Variants in TBC1D5 observed in about 807,000 individuals in gnomAD.
TBC1D5 encodes the protein TBC1 domain family, member 5.
In TBC1D5, 75 loss-of-function variants were observed where a neutral mutation model predicts 100.3. The observed-to-expected ratio is 0.75, with a 90% CI of 0.62 to 0.91. The LOEUF is 0.91. Among genes scored for constraint, TBC1D5 ranks in the 40% least tolerant of loss-of-function variants. TBC1D5 has a pLI of 0.00. For synonymous variants in TBC1D5, 323 were observed against 325.6 expected, an observed-to-expected ratio of 0.99 and a Z score of 0.09; for missense variants, 910 against 942.4, an observed-to-expected ratio of 0.97 and a Z score of 0.45.
intron 1 of TBC1D5, among the ~76,000 whole-genome samples, chr3:17,656,676 T>C (rs945634740): frequency 2.0e-5 from 3 of 152,314 alleles, no homozygotes; most frequent in African/African-American, 7.2e-5. Flanking sequence ...ACCCAGATCC[T>C]ACTCTTCAGG....
chr3:17,524,941 TA>T (rs563661503), intron 2 of TBC1D5, among the ~76,000 whole-genome samples: 619 of 143,804 alleles, frequency 4.3e-3, no homozygotes, highest in Admixed American at 4.6e-3. Context: ...TGCTCTGATG[TA>T]AAAAAAAAAA....
chr3:17,634,904 G>A (rs899204696), intron 1 of TBC1D5, among the ~76,000 whole-genome samples: 4 of 151,994 alleles, frequency 2.6e-5, no homozygotes, highest in South Asian at 2.1e-4. Context: ...ATCTGCTATC[G>A]AATACAATTA....
intron 9 of TBC1D5, among the ~76,000 whole-genome samples, chr3:17,377,286 C>T (rs142109232): frequency 5.3e-4 from 80 of 151,902 alleles, no homozygotes; most frequent in African/African-American, 1.8e-3. Context: ...TTGGTTTTCA[C>T]CAAAAACAGG....
chr3:17,705,353 C>T (rs1211821583), intron 1 of TBC1D5, among the ~76,000 whole-genome samples: 1 of 124,624 alleles, frequency 8.0e-6, no homozygotes, highest in African/African-American at 2.8e-5. Flanking sequence ...GCTGACCCCC[C>T]CCCACCTCCC....
chr3:17,365,286 T>C (rs1295563974), intron 13 of TBC1D5, among the ~76,000 whole-genome samples: 1 of 152,216 alleles, frequency 6.6e-6, no homozygotes, highest in African/African-American at 2.4e-5. Context: ...TAGAAAGGCA[T>C]GTGGATGGTA....
intron 1 of TBC1D5, among the ~76,000 whole-genome samples, chr3:17,670,620 G>T (rs1240099259): frequency 6.6e-6 from 1 of 152,196 alleles, no homozygotes; most frequent in African/African-American, 2.4e-5. Flanking sequence ...CCAAAATGAT[G>T]ATTTGATCTT....
chr3:17,269,076 CTACT>C (rs2079110687), intron 15 of TBC1D5, among the ~76,000 whole-genome samples: 1 of 152,128 alleles, frequency 6.6e-6, no homozygotes, highest in East Asian at 1.9e-4. Flanking sequence ...ATTTCTTTAG[CTACT>C]TACACATAAG....
intron 17 of TBC1D5, 142 bp from the exon 18 acceptor site, chr3:17,233,892 A>C (rs1462230519): frequency 4.0e-6 from 2 of 497,284 alleles, no homozygotes; most frequent in Non-Finnish European, 7.2e-6. Context: ...AGCTTAGAAA[A>C]ATATAAAATA....
At chr3:17,550,556 A>T (rs2096463640) in intron 2 of TBC1D5, among the ~76,000 whole-genome samples, 1 of 152,102 alleles carries the variant, frequency 6.6e-6, no homozygotes, top group Non-Finnish European at 1.5e-5. Flanking sequence ...AACAAAAAAA[A>T]AAAACACCAC....
At chr3:17,231,520 G>GA (rs1407878554) in intron 17 of TBC1D5, among the ~76,000 whole-genome samples, 5 of 151,642 alleles carry the variant, frequency 3.3e-5, no homozygotes, top group African/African-American at 1.2e-4. Context: ...TATAATCAAG[G>GA]AATCATCAAA....
At chr3:17,520,928 G>C (rs2096057302) in intron 2 of TBC1D5, among the ~76,000 whole-genome samples, 2 of 152,090 alleles carry the variant, frequency 1.3e-5, no homozygotes, top group African/African-American at 4.8e-5. Context: ...CTCATCCAAA[G>C]GCAGGAAAGA....
At chr3:17,514,652 ATT>A (rs2095960002) in intron 2 of TBC1D5, among the ~76,000 whole-genome samples, 1 of 152,218 alleles carries the variant, frequency 6.6e-6, no homozygotes, top group African/African-American at 2.4e-5. Context: ...AATATTTTAT[ATT>A]ACAAACTAAG....
At chr3:17,237,970 T>TA (rs3839094) in intron 17 of TBC1D5, among the ~76,000 whole-genome samples, 193 bp downstream of exon 17, 21 of 150,828 alleles carry the variant, frequency 1.4e-4, no homozygotes, top group East Asian at 5.8e-4. Context: ...ATATAAATGT[T>TA]AAAAAAAAAA....
rs111820681 is a variant in TBC1D5 at position 17,371,068 on chromosome 3, TACACACACACACAC to T, written c.995+993_995+1006del. Among the ~76,000 whole-genome samples, 351 of 146,494 alleles carry T rather than the reference TACACACACACACAC, an allele frequency of 2.4e-3. 1 individual carries two copies. Among genetic ancestry groups the T allele is most frequent in the African/African-American group, 8.3e-3 (335 of 40,332 alleles). On this transcript the variant is annotated intron_variant, in intron 13 of 21. Transcript: ENST00000253692. ...CACACCTTATAAGCCACTGAAAAAA[TACACACACACACAC>T]ACACACACACACATGCACACCCACC...
intron 13 of TBC1D5, among the ~76,000 whole-genome samples, chr3:17,316,085 C>T (rs1409401399): frequency 2.0e-5 from 3 of 152,160 alleles, no homozygotes; most frequent in Non-Finnish European, 4.4e-5. Flanking sequence ...GCTTCTGGGG[C>T]ATCTTATCTG....
chr3:17,642,710 C>A (rs2064640198), intron 1 of TBC1D5, among the ~76,000 whole-genome samples: 1 of 152,136 alleles, frequency 6.6e-6, no homozygotes, highest in South Asian at 2.1e-4. Context: ...TATCCTGGAA[C>A]TCTGCCCAAG....
chr3:17,492,885 T>C (rs1043228505), intron 3 of TBC1D5, among the ~76,000 whole-genome samples: 4 of 152,244 alleles, frequency 2.6e-5, no homozygotes, highest in African/African-American at 4.8e-5. Flanking sequence ...CTTGACTCTT[T>C]ATTCAGCTTG....
At chr3:17,180,161 A>T (rs1400204773) in intron 19 of TBC1D5, among the ~76,000 whole-genome samples, 1 of 152,256 alleles carries the variant, frequency 6.6e-6, no homozygotes, top group Non-Finnish European at 1.5e-5. Flanking sequence ...GGAAAAGTTT[A>T]GGTTTAATAA....
chr3:17,677,209 A>G (rs1400002034), intron 1 of TBC1D5, among the ~76,000 whole-genome samples: 1 of 152,236 alleles, frequency 6.6e-6, no homozygotes, highest in Admixed American at 6.5e-5. Flanking sequence ...ATCAGAGTGA[A>G]CAGGCAACCT....
Sources: gnomAD v4.1 joint callset for allele counts (sites outside exome capture counted in the v4.1 genomes callset) on GRCh38, gnomAD v4.1.1 for gene constraint, MANE v1.5 for transcripts, NCBI Gene and HGNC (gene_info 2026-07-23, HGNC 2026-07-21) for gene names.